Variants in DDX50 observed in about 807,000 individuals in gnomAD.
DDX50 encodes the protein DExD-box helicase 50.
A neutral mutation model predicts 94.8 loss-of-function variants in DDX50; 56 were observed. That is an observed-to-expected ratio of 0.59 (90% CI 0.48 to 0.74). DDX50 has a LOEUF of 0.74. Among genes scored for constraint, DDX50 ranks in the 30% least tolerant of loss-of-function variants. The pLI is 0.00. For synonymous variants in DDX50, 264 were observed against 295.4 expected (o/e 0.89, Z 1.09); for missense variants, 713 against 881.2 (o/e 0.81, Z 2.42).
At position 68,910,348 on chromosome 10, in the gene DDX50, T is replaced by C. The variant is rs753397169; in HGVS notation, c.426T>C (p.Phe142=). ...REQKEGAFSN[F]PISEETIKLL... ...AGAAAGAAGGAGCCTTCTCCAATTT[T>C]CCTATTTCTGAAGAGACTATAAAGC... The change falls in exon 3 of 15, where the codon TTT becomes TTC. Residue 142 remains phenylalanine (F), a synonymous_variant. Transcript: ENST00000373585. 2 of 1,606,384 alleles carry C rather than the reference T, an allele frequency of 1.2e-6. No homozygotes were observed. Among genetic ancestry groups the C allele is most frequent in the African/African-American group, 2.7e-5 (2 of 74,104 alleles).
intron 12 of DDX50, among the ~76,000 whole-genome samples, chr10:68,937,398 TAA>T (rs5785882): frequency 4.2e-4 from 64 of 151,214 alleles, no homozygotes; most frequent in Admixed American, 1.1e-3. Flanking sequence ...AATTTGTAAT[TAA>T]AAAAAAAATG....
chr10:68,923,402 T>G (rs11819106), intron 8 of DDX50, among the ~76,000 whole-genome samples: 3 of 150,622 alleles, frequency 2.0e-5, no homozygotes, highest in Non-Finnish European at 4.4e-5. Context: ...GAGATGGGAT[T>G]TCTCTAAGTT....
At chr10:68,937,465 G>A (rs1409831642) in intron 12 of DDX50, among the ~76,000 whole-genome samples, 1 of 151,760 alleles carries the variant, frequency 6.6e-6, no homozygotes, top group Non-Finnish European at 1.5e-5. Context: ...CAGTACATCC[G>A]TACATACCAT....
chr10:68,910,114 G>A (rs535220420), intron 2 of DDX50, among the ~76,000 whole-genome samples, 193 bp from the exon 3 acceptor site: 1 of 152,090 alleles, frequency 6.6e-6, no homozygotes, highest in East Asian at 1.9e-4. Flanking sequence ...TTTGAGCCCG[G>A]AGGTTGAGGC....
intron 3 of DDX50, 105 bp from the exon 4 acceptor site, chr10:68,910,963 G>A: frequency 1.1e-6 from 1 of 891,112 alleles, no homozygotes; most frequent in Non-Finnish European, 1.6e-6. Flanking sequence ...CAGGTGGCAT[G>A]TCTTTAGGCA....
chr10:68,906,419 G>T, intron 1 of DDX50: 1 of 274,722 alleles, frequency 3.6e-6, no homozygotes, highest in Non-Finnish European at 6.8e-6. Context: ...ATAATTCTGG[G>T]GTTGTCTTTC....
rs1554836298 is a variant in DDX50, at chr10:68,929,251, C to CCCTCCCTTCCTTCCTTCCTT, written c.1240-4945_1240-4944insCCCTTCCTTCCTTCCTTCCT. ...TATGAGCCACTATGCCCAGCCTGGT[C>CCCTCCCTTCCTTCCTTCCTT]CCTTCCTTCCTTCCTTCCTTCCTTC... On this transcript the variant is annotated intron_variant, in intron 8 of 14. Transcript: ENST00000373585. Among the ~76,000 whole-genome samples the CCCTCCCTTCCTTCCTTCCTT allele has an allele frequency of 5.9e-5, 7 of 117,998 alleles. No homozygotes were observed. The East Asian group carries it at 1.2e-3, about 21-fold the overall frequency. The allele number at this position is 117,998 out of a possible 152,430, so 77.4% of individuals were successfully genotyped here. A position where few individuals can be genotyped will look rare whatever the true frequency, so the allele number is the denominator to read the frequency against.
intron 14 of DDX50, among the ~76,000 whole-genome samples, chr10:68,944,453 G>C (rs901524483): frequency 2.0e-5 from 3 of 152,090 alleles, no homozygotes; most frequent in African/African-American, 7.2e-5. Flanking sequence ...TGAGTATTTT[G>C]CTTTCGAAGT....
At chr10:68,901,715 G>T (rs530103814) in intron 1 of DDX50, among the ~76,000 whole-genome samples, 1 of 152,206 alleles carries the variant, frequency 6.6e-6, no homozygotes, top group Non-Finnish European at 1.5e-5. Flanking sequence ...CTTCCCGTTG[G>T]CGCCTGAATC....
intron 2 of DDX50, 133 bp downstream of exon 2, chr10:68,907,140 C>A: frequency 1.1e-6 from 1 of 887,900 alleles, no homozygotes; most frequent in Non-Finnish European, 1.7e-6. Flanking sequence ...GCACTAGAGT[C>A]TGTACAGGTG....
At chr10:68,941,414 AATTAT>A (rs1564618762) in intron 13 of DDX50, among the ~76,000 whole-genome samples, 1 of 151,956 alleles carries the variant, frequency 6.6e-6, no homozygotes, top group Non-Finnish European at 1.5e-5. Flanking sequence ...CTAATACCCA[AATTAT>A]CTAAGTTTCT....
intron 12 of DDX50, 128 bp downstream of exon 12, chr10:68,937,223 C>G: frequency 1.0e-6 from 1 of 1,001,908 alleles, no homozygotes; most frequent in Non-Finnish European, 1.4e-6. Context: ...AACTGGTCTC[C>G]TTATTTTCCT....
chr10:68,921,377 C>T (rs7088263), intron 8 of DDX50, among the ~76,000 whole-genome samples: 142,873 of 152,280 alleles, frequency 0.94, 67,077 homozygotes, highest in East Asian at 0.99. Context: ...CTCCTTTATG[C>T]ATTTTTTGTA....
At chr10:68,937,247 A>T in intron 12 of DDX50, 152 bp downstream of exon 12, 1 of 838,600 alleles carries the variant, frequency 1.2e-6, no homozygotes, top group Non-Finnish European at 1.7e-6. Flanking sequence ...CTCCCTAATA[A>T]ATCCTTTTTT....
rs1167345123 is a variant in DDX50 at position 68,929,292 on chromosome 10, CCT to C, written c.1240-4886_1240-4885del. 2.6e-3 allele frequency among the ~76,000 whole-genome samples: 314 copies of C among 122,512 alleles called. 1 individual carries two copies. The highest frequency in any genetic ancestry group is 8.6e-3 in the Middle Eastern group (2 of 232). The allele number at this position is 122,512 out of a possible 152,430, so 80.4% of individuals were successfully genotyped here. A position where few individuals can be genotyped will look rare whatever the true frequency, so the allele number is the denominator to read the frequency against. On this transcript the variant is annotated intron_variant, in intron 8 of 14. Transcript: ENST00000373585. The stretch of plus-strand genomic sequence containing the variant: ...TCCTTCCTTCCTTCCTTCCTTCCTT[CCT>C]CTCTCTCTCTCTCTCTCTCTTTCTT...
At chr10:68,905,727 CAG>C (rs1219026214) in intron 1 of DDX50, among the ~76,000 whole-genome samples, 1 of 152,176 alleles carries the variant, frequency 6.6e-6, no homozygotes, top group African/African-American at 2.4e-5. Flanking sequence ...GTCTGGCCAA[CAG>C]GGTGAAACCT....
chr10:68,912,397 A>G (rs1301620489), intron 4 of DDX50, among the ~76,000 whole-genome samples: 1 of 151,960 alleles, frequency 6.6e-6, no homozygotes, highest in African/African-American at 2.4e-5. Context: ...TATTTTTTGT[A>G]GAGTTGGGGT....
intron 8 of DDX50, among the ~76,000 whole-genome samples, chr10:68,931,389 A>AT (rs1564613778): frequency 0.018 from 903 of 48,918 alleles, 14 homozygotes; most frequent in African/African-American, 0.061. Context: ...CATTAAAAAA[A>AT]AAAATATATA....
intron 4 of DDX50, among the ~76,000 whole-genome samples, chr10:68,912,016 A>G (rs79860909): frequency 0.038 from 5,786 of 152,306 alleles, 345 homozygotes; most frequent in African/African-American, 0.13. Flanking sequence ...GAGTGGTATT[A>G]TAAGAGCAAA....
Sources: gnomAD v4.1 joint callset for allele counts (sites outside exome capture counted in the v4.1 genomes callset) on GRCh38, gnomAD v4.1.1 for gene constraint, MANE v1.5 for transcripts, NCBI Gene and HGNC (gene_info 2026-07-23, HGNC 2026-07-21) for gene names.